Variants in PCDHA9 observed in about 807,000 individuals in gnomAD.
The protein encoded by PCDHA9 is protocadherin alpha-9.
A neutral mutation model predicts 62.0 loss-of-function variants in PCDHA9; 62 were observed. The ratio of observed to expected loss-of-function variants is 1.00; its 90% CI spans 0.81 to 1.23. The LOEUF (loss-of-function observed/expected upper bound fraction) is 1.23, where lower values mean the gene tolerates loss of function less well. PCDHA9 is among the 50% of genes most tolerant of loss of function. PCDHA9 has a pLI of 0.00. For missense variants in PCDHA9, 1,205 were observed against 1,249.8 expected, an observed-to-expected ratio of 0.96 and a Z score of 0.54; for synonymous variants, 557 against 567.6, an observed-to-expected ratio of 0.98 and a Z score of 0.27.
At position 140,849,456 on chromosome 5, in the gene PCDHA9, G is replaced by C; in HGVS notation, c.961G>C (p.Glu321Gln). 1.3e-6 allele frequency: 2 copies of C among 1,587,320 alleles called. No individual in the cohort carries two copies. Among genetic ancestry groups the C allele is most frequent in the Non-Finnish European group, 1.7e-6 (2 of 1,161,288 alleles). ...AAGTAGAGCACACAAGATCCCAGTC[G>C]AGGCTGTCGATAAAGGCTTCCCACC... is the stretch of plus-strand genomic sequence containing the variant. ...EESRAHKIPV[E>Q]AVDKGFPPLA... The change falls in exon 1 of 4, where the codon GAG becomes CAG. Residue 321 changes from glutamate to glutamine, a missense_variant. Coordinates refer to ENST00000532602, the MANE Select transcript of PCDHA9 (RefSeq NM_031857.2).
At chr5:140,923,364 A>C (rs1414879540) in intron 1 of PCDHA9, among the ~76,000 whole-genome samples, 1 of 152,106 alleles carries the variant, frequency 6.6e-6, no homozygotes, top group African/African-American at 2.4e-5. Flanking sequence ...TATCTTTATA[A>C]AATATTTTTA....
At chr5:140,988,501 A>G (rs966150033) in intron 3 of PCDHA9, among the ~76,000 whole-genome samples, 3 of 152,164 alleles carry the variant, frequency 2.0e-5, no homozygotes, top group Non-Finnish European at 2.9e-5. Context: ...AGGAGAAGCC[A>G]TGAAGCTTAC....
Position 141,010,110 on chromosome 5 carries a change from A to C in PCDHA9, c.*173A>C. On this transcript the variant is annotated 3_prime_UTR_variant, in exon 4 of 4. Coordinates refer to ENST00000532602, the MANE Select transcript of PCDHA9 (RefSeq NM_031857.2). ...GAACGCATTTAACAGGTTTTGTCGT[A>C]AAAGCTTTACTAAGTCTGGTGTTAA... 6.2e-7 allele frequency: 1 copy of C among 1,611,166 alleles called. No individual in the cohort carries two copies. The highest frequency in any genetic ancestry group is 8.5e-7 in the Non-Finnish European group (1 of 1,178,396).
At chr5:140,884,066 G>C in intron 1 of PCDHA9, 3 of 1,613,514 alleles carry the variant, frequency 1.9e-6, no homozygotes, top group Non-Finnish European at 2.5e-6. Flanking sequence ...GGTGGACGCC[G>C]ATTCGGGCTA....
chr5:140,934,684 A>C (rs1026507859), intron 1 of PCDHA9, among the ~76,000 whole-genome samples: 9 of 152,178 alleles, frequency 5.9e-5, no homozygotes, highest in Non-Finnish European at 1.3e-4. Flanking sequence ...TATTCAAAAC[A>C]ATGAATTGAT....
intron 1 of PCDHA9, chr5:140,929,005 A>G: frequency 6.2e-7 from 1 of 1,614,062 alleles, no homozygotes; most frequent in Non-Finnish European, 8.5e-7. Context: ...CTTCGTGTGT[A>G]CCAAGTTGCA....
chr5:140,883,551 G>T, intron 1 of PCDHA9: 4 of 1,614,234 alleles, frequency 2.5e-6, no homozygotes, highest in Non-Finnish European at 3.4e-6. Flanking sequence ...GTGACCGCGC[G>T]GGACGGGGGC....
chr5:140,966,426 C>T, intron 1 of PCDHA9: 1 of 421,820 alleles, frequency 2.4e-6, no homozygotes. Flanking sequence ...ACTTGCTGAG[C>T]CCTCCTACCG....
intron 1 of PCDHA9, chr5:140,968,646 C>T (rs2153772882): frequency 6.2e-7 from 1 of 1,614,216 alleles, no homozygotes; most frequent in Non-Finnish European, 8.5e-7. Context: ...CTAGCCCAGA[C>T]TTCTGACCTG....
At chr5:140,991,640 T>C (rs1315335320) in intron 3 of PCDHA9, among the ~76,000 whole-genome samples, 1 of 152,194 alleles carries the variant, frequency 6.6e-6, no homozygotes, top group Non-Finnish European at 1.5e-5. Flanking sequence ...AACAATCTGT[T>C]CATGACAATT....
At chr5:140,931,508 A>G (rs1214894603) in intron 1 of PCDHA9, among the ~76,000 whole-genome samples, 8 of 152,078 alleles carry the variant, frequency 5.3e-5, no homozygotes, top group Non-Finnish European at 1.0e-4. Flanking sequence ...TTAAACATAT[A>G]TGAATGATTA....
intron 1 of PCDHA9, chr5:140,883,678 G>C: frequency 1.2e-6 from 2 of 1,613,902 alleles, no homozygotes; most frequent in Non-Finnish European, 1.7e-6. Context: ...ACAATCCGCC[G>C]GGCTGCCACA....
Position 140,850,221 on chromosome 5 carries a change from G to A in PCDHA9, c.1726G>A (p.Ala576Thr). Residue 576 changes from alanine to threonine, a missense_variant, in exon 1 of 4, where the codon GCA becomes ACA. Around this residue, in one of 3 missense-constraint regions of PCDHA9, gnomAD observed 887 missense variants for 809.5 expected, o/e 1.10. Transcript: ENST00000532602. ...LTPRMRGTDG[A>T]VSEMVLRSVG... ...ACCTCGGATGAGGGGCACTGACGGC[G>A]CAGTGAGCGAGATGGTGCTGCGGTC... 1.9e-6 allele frequency: 3 copies of A among 1,593,734 alleles called. No individual in the cohort carries two copies. The highest frequency in any genetic ancestry group is 2.2e-5 in the South Asian group (2 of 90,432).
intron 1 of PCDHA9, among the ~76,000 whole-genome samples, chr5:140,957,344 G>A (rs994510401): frequency 5.9e-5 from 9 of 152,114 alleles, no homozygotes; most frequent in Non-Finnish European, 1.2e-4. Context: ...TATTTTGAGA[G>A]AGAGACCACA....
intron 3 of PCDHA9, among the ~76,000 whole-genome samples, chr5:141,007,495 G>T (rs2098332812): frequency 6.6e-6 from 1 of 151,988 alleles, no homozygotes; most frequent in Non-Finnish European, 1.5e-5. Flanking sequence ...TTGGACCTAG[G>T]AGGCAGAGAC....
chr5:140,848,972 T>G lies in PCDHA9; in HGVS notation c.477T>G (p.Asp159Glu). Residue 159 changes from aspartate (D) to glutamate (E), a missense_variant, in exon 1 of 4, where the codon GAT becomes GAG. By Grantham distance (45) the Asp-to-Glu change is conservative. Transcript: ENST00000532602. ...GGTTTCCACTAGAGGGCGCGTCCGA[T>G]GCAGATATCGGGGAGAACGCCCTGC... is the stretch of plus-strand genomic sequence containing the variant. ...DSRFPLEGAS[D>E]ADIGENALLT... The G allele has an allele frequency of 1.9e-6, 3 of 1,601,076 alleles. No homozygotes were observed. Among genetic ancestry groups the G allele is most frequent in the Non-Finnish European group, 2.6e-6 (3 of 1,171,928 alleles).
chr5:140,850,918 A>G (rs2150502117), intron 1 of PCDHA9, 29 bp downstream of exon 1: 3 of 1,529,350 alleles, frequency 2.0e-6, no homozygotes, highest in Non-Finnish European at 2.6e-6. Context: ...TTATTTATTT[A>G]TATAATTTTT....
chr5:140,934,349 T>C (rs1466597753), intron 1 of PCDHA9, among the ~76,000 whole-genome samples: 2 of 152,202 alleles, frequency 1.3e-5, no homozygotes, highest in African/African-American at 4.8e-5. Flanking sequence ...CAGTACAGTG[T>C]GGAGCCACTG....
chr5:140,903,163 G>T (rs2070058285), intron 1 of PCDHA9, among the ~76,000 whole-genome samples: 1 of 152,096 alleles, frequency 6.6e-6, no homozygotes, highest in Non-Finnish European at 1.5e-5. Flanking sequence ...GGTTGTGCTG[G>T]TTTACATTCC....
Sources: gnomAD v4.1 joint callset for allele counts (sites outside exome capture counted in the v4.1 genomes callset) on GRCh38, gnomAD v4.1.1 for gene constraint, gnomAD v4.1.1 regional missense constraint, MANE v1.5 for transcripts, NCBI Gene and HGNC (gene_info 2026-07-23, HGNC 2026-07-21) for gene names.